The following RNF111 variants were observed in gnomAD, a reference collection of about 807,000 sequenced individuals.
RNF111 encodes ring finger protein 111.
A neutral mutation model predicts 95.1 loss-of-function variants in RNF111; 17 were observed. The observed-to-expected ratio is 0.18, with a 90% confidence interval of 0.12 to 0.27. RNF111 has a LOEUF of 0.27. Among genes scored for constraint, RNF111 ranks in the 10% least tolerant of loss-of-function variants. The probability of loss-of-function intolerance (pLI) is 1.00; values close to 1 mark genes in which losing one functional copy is unlikely to be tolerated. For synonymous variants in RNF111, 440 were observed against 414.8 expected (o/e 1.06, Z -0.74); for missense variants, 1,189 against 1,210.4 (o/e 0.98, Z 0.26).
At chr15:58,998,840 A>G (rs1320134133) in intron 1 of RNF111, among the ~76,000 whole-genome samples, 2 of 152,224 alleles carry the variant, frequency 1.3e-5, no homozygotes, top group Admixed American at 6.5e-5. Context: ...TTACTGTTAC[A>G]TAATGAAATG....
rs2079154150 is a variant in RNF111 at position 59,095,017 on chromosome 15, G to A, written c.*117G>A. 1 of 748,238 alleles carries A rather than the reference G, an allele frequency of 1.3e-6. No individual in the cohort carries two copies. The highest frequency in any genetic ancestry group is 2.5e-5 in the East Asian group (1 of 39,680). 46.3% of individuals were successfully genotyped at this position (748,238 alleles called of 1,614,324 possible). The stretch of plus-strand genomic sequence containing the variant: ...TTGGAAGCATTGAACTTAGAGTGCT[G>A]GCTCTGCTATATGGTACAACTAATG... On this transcript the variant is annotated 3_prime_UTR_variant, in exon 14 of 14. Coordinates refer to ENST00000348370, the MANE Select transcript of RNF111 (RefSeq NM_017610.8).
intron 11 of RNF111, among the ~76,000 whole-genome samples, chr15:59,090,387 G>T (rs1226343696): frequency 6.6e-6 from 1 of 152,032 alleles, no homozygotes; most frequent in African/African-American, 2.4e-5. Context: ...CCGCCACCAC[G>T]CCCGGCTAAT....
chr15:59,030,168 C>T (rs1429991672), intron 1 of RNF111, among the ~76,000 whole-genome samples: 3 of 152,096 alleles, frequency 2.0e-5, no homozygotes. Flanking sequence ...TCTTCAGCAG[C>T]CCACAGTCTT....
intron 6 of RNF111, among the ~76,000 whole-genome samples, chr15:59,068,688 G>A (rs575295066): frequency 6.6e-5 from 10 of 152,112 alleles, no homozygotes; most frequent in Admixed American, 1.3e-4. Context: ...GCCCGGCCAA[G>A]CTACCACTTT....
At chr15:59,037,043 C>T (rs1261302058) in intron 2 of RNF111, among the ~76,000 whole-genome samples, 1 of 150,768 alleles carries the variant, frequency 6.6e-6, no homozygotes, top group African/African-American at 2.4e-5. Flanking sequence ...TGTCATGTTG[C>T]CTAGGCTGGT....
Position 59,058,368 on chromosome 15 carries a change from T to A in RNF111, c.1184T>A (p.Val395Glu). The change falls in exon 5 of 14, where the codon GTA becomes GAA. Residue 395 changes from valine to glutamate, a missense_variant. Coordinates refer to ENST00000348370, the MANE Select transcript of RNF111 (RefSeq NM_017610.8). The stretch of plus-strand genomic sequence containing the variant: ...TTGTATTTTGTAGAACCTACTGTAG[T>A]ACCAACCACTTCTGCAAGAATGGAA... ...LTVDEDEPTV[V>E]PTTSARMESQ... 1 of 1,614,046 alleles carries A rather than the reference T, an allele frequency of 6.2e-7. No individual in the cohort carries two copies. Among genetic ancestry groups the A allele is most frequent in the East Asian group, 2.2e-5 (1 of 44,880 alleles).
chr15:59,080,936 A>T lies in RNF111; in HGVS notation c.1949A>T (p.Tyr650Phe). The change falls in exon 8 of 14, where the codon TAT becomes TTT. Residue 650 changes from tyrosine (Y) to phenylalanine (F), a missense_variant and splice_region_variant. Transcript: ENST00000348370. ...SSCRHYMPPP[Y>F]ASLTRPLHHQ... ...CATACTCAAAATATTTTTCTTGCAG[A>T]TGCCTCTTTGACAAGGCCACTTCAT... is the stretch of plus-strand genomic sequence containing the variant. 1 of 1,604,674 alleles carries T rather than the reference A, an allele frequency of 6.2e-7. No individual in the cohort carries two copies. Among genetic ancestry groups the T allele is most frequent in the Non-Finnish European group, 8.5e-7 (1 of 1,174,914 alleles).
chr15:59,074,824 T>G (rs2043099766), intron 6 of RNF111, among the ~76,000 whole-genome samples: 1 of 152,220 alleles, frequency 6.6e-6, no homozygotes, highest in Non-Finnish European at 1.5e-5. Context: ...TGACATGCCT[T>G]CCTCACTAAG....
In RNF111 at chr15:59,096,971, G is replaced by C. The variant is rs562865599; in HGVS notation, c.*2071G>C. 5.3e-5 allele frequency: 8 copies of C among 152,232 alleles called. No homozygotes were observed. The highest frequency in any genetic ancestry group is 8.8e-5 in the Non-Finnish European group (6 of 67,998). 9.4% of individuals were successfully genotyped at this position (152,232 alleles called of 1,614,324 possible). On this transcript the variant is annotated 3_prime_UTR_variant, in exon 14 of 14. Coordinates refer to ENST00000348370, the MANE Select transcript of RNF111 (RefSeq NM_017610.8). ...TAGATGCACGACTACCTGTTGACTT[G>C]TTTTATAATTGCTACTGATTTTTTT...
chr15:59,031,215 T>A lies in RNF111; in HGVS notation c.393T>A (p.Asp131Glu), dbSNP rs1472230744. ...GGACACCAAGTGATGAAGATAATGA[T>A]TCCTCTTTTAGTGATTGTCTTTCTT... Reference protein sequence around the residue: ...HLGTPSDEDNDSSFSDCLSSP... With the variant: ...HLGTPSDEDNESSFSDCLSSP... The change falls in exon 2 of 14, where the codon GAT becomes GAA. Residue 131 changes from aspartate to glutamate, a missense_variant. Transcript: ENST00000348370. 6.2e-7 allele frequency: 1 copy of A among 1,614,194 alleles called. No individual in the cohort carries two copies. The highest frequency in any genetic ancestry group is 8.5e-7 in the Non-Finnish European group (1 of 1,180,010).
intron 1 of RNF111, among the ~76,000 whole-genome samples, chr15:58,991,193 A>G (rs1257718504): frequency 1.3e-5 from 2 of 152,112 alleles, no homozygotes; most frequent in Non-Finnish European, 2.9e-5. Context: ...CTGGCTGCTC[A>G]AGAGGGTAAG....
chr15:59,044,582 C>T (rs2041620785), intron 2 of RNF111, among the ~76,000 whole-genome samples: 1 of 151,920 alleles, frequency 6.6e-6, no homozygotes. Context: ...TTATTTTTCT[C>T]ATGATGTTTT....
At chr15:59,075,642 T>C (rs971824062) in intron 6 of RNF111, among the ~76,000 whole-genome samples, 2 of 152,208 alleles carry the variant, frequency 1.3e-5, no homozygotes, top group African/African-American at 4.8e-5. Context: ...CTAAGATGTA[T>C]TTGTTATAAG....
chr15:59,009,101 A>C (rs1344115078), intron 1 of RNF111, among the ~76,000 whole-genome samples: 1 of 152,042 alleles, frequency 6.6e-6, no homozygotes, highest in African/African-American at 2.4e-5. Context: ...CTGGGATTAT[A>C]GGTGCACCAC....
chr15:59,084,369 C>T (rs1271104414), intron 9 of RNF111, 115 bp downstream of exon 9: 3 of 1,056,918 alleles, frequency 2.8e-6, no homozygotes, highest in Admixed American at 3.1e-5. Context: ...AACCTAATCC[C>T]CAGTTTAACT....
intron 2 of RNF111, among the ~76,000 whole-genome samples, chr15:59,051,537 A>T (rs1326133696): frequency 6.6e-6 from 1 of 151,738 alleles, no homozygotes; most frequent in Non-Finnish European, 1.5e-5. Flanking sequence ...GCACTTTGGG[A>T]GGCTGAGGGA....
chr15:59,021,192 C>T (rs2040323852), intron 1 of RNF111, among the ~76,000 whole-genome samples: 1 of 152,104 alleles, frequency 6.6e-6, no homozygotes, highest in Non-Finnish European at 1.5e-5. Context: ...GCTCTGTTGC[C>T]CAGGATGGAG....
At chr15:58,996,968 A>G (rs2039103235) in intron 1 of RNF111, among the ~76,000 whole-genome samples, 1 of 151,748 alleles carries the variant, frequency 6.6e-6, no homozygotes, top group Non-Finnish European at 1.5e-5. Flanking sequence ...TGTAGTCTAT[A>G]CCTTTATATT....
intron 11 of RNF111, among the ~76,000 whole-genome samples, chr15:59,090,204 GTTT>G (rs1278436546): frequency 7.3e-5 from 10 of 136,928 alleles, no homozygotes; most frequent in Non-Finnish European, 6.2e-5. Flanking sequence ...GTTGTGGTTT[GTTT>G]TTTTGTTTGT....
Sources: gnomAD v4.1 joint callset for allele counts (sites outside exome capture counted in the v4.1 genomes callset) on GRCh38, gnomAD v4.1.1 for gene constraint, MANE v1.5 for transcripts, NCBI Gene and HGNC (gene_info 2026-07-23, HGNC 2026-07-21) for gene names.